The following SLC9A9 variants were observed in gnomAD, a reference collection of about 807,000 sequenced individuals.
SLC9A9 encodes the protein sodium/hydrogen exchanger 9.
SLC9A9 carries 62 observed loss-of-function variants against 77.8 expected under a neutral mutation model. The observed-to-expected ratio is 0.80, with a 90% CI of 0.65 to 0.98. The LOEUF (loss-of-function observed/expected upper bound fraction) is 0.98, where lower values mean the gene tolerates loss of function less well. SLC9A9 is among the 50% of genes least tolerant of loss of function. SLC9A9 has a pLI of 0.00. For synonymous variants in SLC9A9, 320 were observed against 283.5 expected (o/e 1.13, Z -1.29); for missense variants, 775 against 774.9 (o/e 1.00, Z 0.00).
intron 5 of SLC9A9, among the ~76,000 whole-genome samples, chr3:143,665,272 G>T (rs971773134): frequency 2.6e-5 from 4 of 152,340 alleles, no homozygotes; most frequent in African/African-American, 9.6e-5. Context: ...AAATAAAGAT[G>T]TTCTTTGAAA....
intron 14 of SLC9A9, among the ~76,000 whole-genome samples, chr3:143,284,098 G>A (rs1365550249): frequency 6.6e-6 from 1 of 151,648 alleles, no homozygotes; most frequent in Non-Finnish European, 1.5e-5. Flanking sequence ...CCCGTGGCAG[G>A]AGCTGTCCTG....
At chr3:143,762,533 G>T (rs139529310) in intron 4 of SLC9A9, among the ~76,000 whole-genome samples, 5 of 152,206 alleles carry the variant, frequency 3.3e-5, no homozygotes, top group Non-Finnish European at 7.4e-5. Context: ...TCTTTGTAAT[G>T]GGTTGTTTTA....
chr3:143,374,422 C>CAAAAAAAAAA (rs34787603), intron 13 of SLC9A9, among the ~76,000 whole-genome samples: 227 of 67,342 alleles, frequency 3.4e-3, no homozygotes, highest in Non-Finnish European at 4.4e-3. Flanking sequence ...GACTCTGTCT[C>CAAAAAAAAAA]AAAAAAAAAA....
At chr3:143,847,816 G>T (rs2009861052) in intron 1 of SLC9A9, 1 of 344,810 alleles carries the variant, frequency 2.9e-6, no homozygotes, top group African/African-American at 2.1e-5. Context: ...GCTGCTCTTT[G>T]TGACTGCAGA....
chr3:143,469,949 A>T (rs943616369), intron 11 of SLC9A9, among the ~76,000 whole-genome samples: 1 of 152,184 alleles, frequency 6.6e-6, no homozygotes, highest in Admixed American at 6.5e-5. Flanking sequence ...GCCCCACCAG[A>T]AGTATTTGTG....
chr3:143,366,862 A>T (rs1396720216), intron 13 of SLC9A9, among the ~76,000 whole-genome samples: 1 of 152,164 alleles, frequency 6.6e-6, no homozygotes, highest in Non-Finnish European at 1.5e-5. Flanking sequence ...CTAGTGCAAA[A>T]GGGGAAGTTA....
chr3:143,419,124 G>T (rs1318419231), intron 12 of SLC9A9, among the ~76,000 whole-genome samples: 1 of 152,072 alleles, frequency 6.6e-6, no homozygotes, highest in Non-Finnish European at 1.5e-5. Flanking sequence ...ATGTGACTTT[G>T]GTTACTATAT....
intron 4 of SLC9A9, among the ~76,000 whole-genome samples, chr3:143,742,787 T>C (rs1343823540): frequency 6.6e-6 from 1 of 152,118 alleles, no homozygotes; most frequent in Non-Finnish European, 1.5e-5. Context: ...ACAAAATTAG[T>C]GTAAGATGTT....
intron 6 of SLC9A9, among the ~76,000 whole-genome samples, chr3:143,595,869 A>T (rs1338847189): frequency 1.3e-5 from 2 of 152,214 alleles, no homozygotes; most frequent in Non-Finnish European, 2.9e-5. Flanking sequence ...TGGCAGCAGA[A>T]AGGAGGGAGA....
chr3:143,526,807 C>T (rs1487851623), intron 9 of SLC9A9, among the ~76,000 whole-genome samples: 1 of 152,068 alleles, frequency 6.6e-6, no homozygotes, highest in Admixed American at 6.6e-5. Context: ...GAGTTTGCAG[C>T]CATTGTGAGG....
chr3:143,789,121 A>C (rs1223677777), intron 4 of SLC9A9, among the ~76,000 whole-genome samples: 1 of 152,202 alleles, frequency 6.6e-6, no homozygotes, highest in African/African-American at 2.4e-5. Flanking sequence ...CAAGACGGCC[A>C]CCAAGTCTGG....
intron 4 of SLC9A9, among the ~76,000 whole-genome samples, chr3:143,702,580 A>G (rs1933835637): frequency 1.3e-5 from 2 of 152,116 alleles, no homozygotes; most frequent in Non-Finnish European, 2.9e-5. Flanking sequence ...CACATAAAAA[A>G]TAAAAAGCAA....
At chr3:143,641,401 T>TTTTTTG (rs2038619635) in intron 6 of SLC9A9, among the ~76,000 whole-genome samples, 1 of 138,066 alleles carries the variant, frequency 7.2e-6, no homozygotes, top group Non-Finnish European at 1.6e-5. Flanking sequence ...TTTTTTTTTT[T>TTTTTTG]TTTTTTTTGA....
intron 9 of SLC9A9, chr3:143,517,624 G>T (rs1364857915): frequency 1.9e-6 from 3 of 1,597,414 alleles, no homozygotes; most frequent in Non-Finnish European, 2.5e-6. Flanking sequence ...CAAGATCATG[G>T]GCTGCTTCTT....
At chr3:143,621,018 C>T (rs562841056) in intron 6 of SLC9A9, among the ~76,000 whole-genome samples, 1 of 152,294 alleles carries the variant, frequency 6.6e-6, no homozygotes, top group East Asian at 1.9e-4. Flanking sequence ...TCGCTCATTG[C>T]TAGCACAGCA....
intron 13 of SLC9A9, among the ~76,000 whole-genome samples, chr3:143,375,703 T>A (rs1289441670): frequency 2.6e-5 from 4 of 152,222 alleles, no homozygotes; most frequent in Non-Finnish European, 4.4e-5. Context: ...CCTAGATATA[T>A]GAACAAGTCC....
rs769327530 is a variant in SLC9A9, at chr3:143,390,665, G to A, written c.1470-8551C>T. On this transcript the variant is annotated intron_variant, in intron 12 of 15. Transcript: ENST00000316549. ...AGCAGGGCGAGGCGTCGCCTCACCC[G>A]GGAAGTGCAAGGGGTCAGAGAATTC... Among the ~76,000 whole-genome samples the A allele has an allele frequency of 4.6e-5, 7 of 152,322 alleles. No homozygotes were observed. In the South Asian group the frequency reaches 6.2e-4, roughly 14 times the overall value.
chr3:143,529,129 G>A (rs2036460245), intron 9 of SLC9A9, among the ~76,000 whole-genome samples: 1 of 152,174 alleles, frequency 6.6e-6, no homozygotes, highest in African/African-American at 2.4e-5. Flanking sequence ...GTGCTTGAGG[G>A]TAGAGACGCA....
At chr3:143,370,444 GA>G (rs1234778197) in intron 13 of SLC9A9, among the ~76,000 whole-genome samples, 1 of 152,190 alleles carries the variant, frequency 6.6e-6, no homozygotes, top group South Asian at 2.1e-4. Flanking sequence ...GAGAGAGGAG[GA>G]AGTTCACAGC....
Sources: gnomAD v4.1 joint callset for allele counts (sites outside exome capture counted in the v4.1 genomes callset) on GRCh38, gnomAD v4.1.1 for gene constraint, MANE v1.5 for transcripts, NCBI Gene and HGNC (gene_info 2026-07-23, HGNC 2026-07-21) for gene names.